Variants in ARHGAP26 observed in about 807,000 individuals in gnomAD.
ARHGAP26 encodes rho GTPase-activating protein 26.
In ARHGAP26, 38 loss-of-function variants were observed where a neutral mutation model predicts 104.8. That is an observed-to-expected ratio of 0.36 (90% CI 0.28 to 0.48). The LOEUF (loss-of-function observed/expected upper bound fraction) is 0.48. Ranked by LOEUF, ARHGAP26 falls within the 20% of genes least tolerant of loss-of-function variation. The pLI is 0.99. For synonymous variants in ARHGAP26, 341 were observed against 340.0 expected (o/e 1.00, Z -0.03); for missense variants, 704 against 947.9 (o/e 0.74, Z 3.38).
chr5:142,938,782 T>G (rs1765823475), intron 11 of ARHGAP26, among the ~76,000 whole-genome samples: 1 of 152,236 alleles, frequency 6.6e-6, no homozygotes, highest in African/African-American at 2.4e-5. Context: ...TAGTGGTGTC[T>G]TTCTGCAACT....
chr5:142,990,246 C>T (rs1401866629), intron 11 of ARHGAP26, among the ~76,000 whole-genome samples: 4 of 152,200 alleles, frequency 2.6e-5, no homozygotes, highest in South Asian at 2.1e-4. Context: ...TTGATCAAAT[C>T]GGCTACTGAA....
chr5:143,096,572 C>T (rs1276561194), intron 17 of ARHGAP26, among the ~76,000 whole-genome samples: 1 of 152,170 alleles, frequency 6.6e-6, no homozygotes, highest in African/African-American at 2.4e-5. Flanking sequence ...CTTCAGTATG[C>T]AGCAGAGGTG....
rs1811621932 is a variant in ARHGAP26 at position 143,225,934 on chromosome 5, A to G, written c.*3488A>G. On this transcript the variant is annotated 3_prime_UTR_variant, in exon 23 of 23. Transcript: ENST00000645722. ...GAGTAGGAAGGAACTTGAAGACTAA[A>G]GATTTTACTCTCTCCCCTATCCATG... The G allele has an allele frequency of 2.3e-5, 5 of 220,608 alleles. No individual in the cohort carries two copies. In the East Asian group the frequency reaches 3.3e-4, roughly 15 times the overall value. 13.7% of individuals were successfully genotyped at this position (220,608 alleles called of 1,614,324 possible).
intron 1 of ARHGAP26, among the ~76,000 whole-genome samples, chr5:142,844,024 G>T (rs1383399688): frequency 1.3e-5 from 2 of 149,816 alleles, no homozygotes; most frequent in Non-Finnish European, 3.0e-5. Flanking sequence ...TACTTGACAA[G>T]TATCATTACA....
At chr5:142,891,007 C>T (rs989811380) in intron 5 of ARHGAP26, among the ~76,000 whole-genome samples, 1 of 149,950 alleles carries the variant, frequency 6.7e-6, no homozygotes, top group Admixed American at 6.6e-5. Flanking sequence ...TCCTGTTTTC[C>T]CCCTCCACTT....
intron 14 of ARHGAP26, among the ~76,000 whole-genome samples, chr5:143,045,824 C>T (rs1250921243): frequency 6.6e-6 from 1 of 152,090 alleles, no homozygotes; most frequent in South Asian, 2.1e-4. Flanking sequence ...ATGGTGAAAC[C>T]CCATCTCTAC....
In ARHGAP26 at chr5:143,029,535, G is replaced by A. The variant is rs542167524; in HGVS notation, c.1145-7661G>A. On this transcript the variant is annotated intron_variant, in intron 12 of 22. Coordinates refer to ENST00000645722, the MANE Select transcript of ARHGAP26 (RefSeq NM_001135608.3). Reference sequence around the variant, plus strand: ...TCATCCTGCCTCAGCTTCTTGAGTAGCTAGGGCCACAGGTTCACACCACCA... The same window carrying A: ...TCATCCTGCCTCAGCTTCTTGAGTAACTAGGGCCACAGGTTCACACCACCA... 2.5e-4 allele frequency among the ~76,000 whole-genome samples: 37 copies of A among 151,004 alleles called. No individual in the cohort carries two copies. The East Asian group carries it at 4.5e-3, about 19-fold the overall frequency.
At chr5:143,017,778 C>T (rs987553423) in intron 12 of ARHGAP26, among the ~76,000 whole-genome samples, 1 of 152,216 alleles carries the variant, frequency 6.6e-6, no homozygotes, top group African/African-American at 2.4e-5. Context: ...TGTACTCCAT[C>T]TTCTCATGCC....
chr5:143,037,299 G>C, intron 13 of ARHGAP26, 38 bp downstream of exon 13: 1 of 1,533,354 alleles, frequency 6.5e-7, no homozygotes, highest in South Asian at 1.2e-5. Flanking sequence ...TCTCATAGAA[G>C]GTCACGCATC....
At chr5:143,143,922 A>G (rs1014449264) in intron 19 of ARHGAP26, among the ~76,000 whole-genome samples, 1 of 152,206 alleles carries the variant, frequency 6.6e-6, no homozygotes, top group African/African-American at 2.4e-5. Flanking sequence ...GATTTATTTT[A>G]TCATGTTCTT....
chr5:142,967,201 C>T (rs967129532), intron 11 of ARHGAP26, among the ~76,000 whole-genome samples: 2 of 151,932 alleles, frequency 1.3e-5, no homozygotes, highest in South Asian at 2.1e-4. Flanking sequence ...GAAAACAGAA[C>T]GATAAAAATT....
intron 17 of ARHGAP26, among the ~76,000 whole-genome samples, chr5:143,118,943 T>TA (rs11408187): frequency 0.072 from 8,878 of 123,734 alleles, 813 homozygotes; most frequent in African/African-American, 0.23. Context: ...AGTATAATAA[T>TA]AAAAAAAAAA....
chr5:142,784,313 CTT>C (rs1454923866), intron 1 of ARHGAP26, among the ~76,000 whole-genome samples: 2 of 152,190 alleles, frequency 1.3e-5, no homozygotes, highest in African/African-American at 4.8e-5. Flanking sequence ...TGGGATATAA[CTT>C]TGGCTTGCTT....
At chr5:142,837,957 G>T (rs550147393) in intron 1 of ARHGAP26, among the ~76,000 whole-genome samples, 7 of 152,306 alleles carry the variant, frequency 4.6e-5, no homozygotes, top group Non-Finnish European at 7.3e-5. Flanking sequence ...AGTGTTTGCA[G>T]GTATGACATG....
intron 14 of ARHGAP26, among the ~76,000 whole-genome samples, chr5:143,052,571 C>T (rs1785198680): frequency 6.6e-6 from 1 of 152,200 alleles, no homozygotes; most frequent in Admixed American, 6.5e-5. Context: ...CTGCAAACAT[C>T]ATACAGGTAC....
rs75838315 is a variant in ARHGAP26 at position 143,000,492 on chromosome 5, T to C, written c.1108-13588T>C. On this transcript the variant is annotated intron_variant, in intron 11 of 22. Coordinates refer to ENST00000645722, the MANE Select transcript of ARHGAP26 (RefSeq NM_001135608.3). ...CCACAACATGGATGAATATTAAAAA[T>C]TTTATGCTGAGTGCAATCCCATTAC... Among the ~76,000 whole-genome samples the C allele has an allele frequency of 5.8e-4, 89 of 152,354 alleles. 1 individual carries two copies. The highest frequency in any genetic ancestry group is 2.0e-3 in the African/African-American group (83 of 41,586).
In ARHGAP26 at chr5:142,973,218, G is replaced by A. The variant is rs115689786; in HGVS notation, c.1108-40862G>A. Reference sequence around the variant, plus strand: ...AAAGCTAAGATAGATAGAAGAGATCGTTAAAAAGGCATTGCTCAAAATAGC... The same window carrying A: ...AAAGCTAAGATAGATAGAAGAGATCATTAAAAAGGCATTGCTCAAAATAGC... On this transcript the variant is annotated intron_variant, in intron 11 of 22. Transcript: ENST00000645722. Among the ~76,000 whole-genome samples, 1,456 of 152,252 alleles carry A rather than the reference G, an allele frequency of 9.6e-3. 13 individuals carry two copies. Among genetic ancestry groups the A allele is most frequent in the Admixed American group, 0.016 (237 of 15,290 alleles).
At chr5:142,825,084 A>G (rs1766969499) in intron 1 of ARHGAP26, among the ~76,000 whole-genome samples, 1 of 152,208 alleles carries the variant, frequency 6.6e-6, no homozygotes, top group Non-Finnish European at 1.5e-5. Flanking sequence ...GTGGGCTGGG[A>G]TAAGTAGTAG....
intron 17 of ARHGAP26, among the ~76,000 whole-genome samples, chr5:143,065,059 C>T (rs1787288788): frequency 6.6e-6 from 1 of 152,110 alleles, no homozygotes; most frequent in Non-Finnish European, 1.5e-5. Flanking sequence ...GGAATCCCCT[C>T]CCAAATTAAG....
Sources: allele counts gnomAD v4.1 joint callset (sites outside exome capture counted in the v4.1 genomes callset), GRCh38; gene constraint gnomAD v4.1.1; transcripts MANE v1.5; gene names NCBI Gene and HGNC (gene_info 2026-07-23, HGNC 2026-07-21).